Variants in ALKBH5 observed in about 807,000 individuals in gnomAD.
The protein encoded by ALKBH5 is alkB homolog 5, RNA demethylase.
Under a neutral mutation model 32.1 loss-of-function variants are expected in ALKBH5, and 2 were observed. The observed-to-expected ratio is 0.06, with a 90% CI of 0.03 to 0.20. The LOEUF is 0.20. Among genes scored for constraint, ALKBH5 ranks in the 10% least tolerant of loss-of-function variants. The pLI is 1.00. For synonymous variants in ALKBH5, 300 were observed against 231.7 expected (o/e 1.29, Z -2.68); for missense variants, 352 against 559.5 (o/e 0.63, Z 3.74).
Position 18,184,163 on chromosome 17 carries a change from G to A in ALKBH5, c.-81G>A. On this transcript the variant is annotated 5_prime_UTR_variant, in exon 1 of 4. Coordinates refer to ENST00000399138, the MANE Select transcript of ALKBH5 (RefSeq NM_017758.4). ...CGCTAAGGACCCCCCTCCCTCCGGG[G>A]GCCCCGGGGCGCGTCCCCTTAGAGC... 1 of 1,281,224 alleles carries A rather than the reference G, an allele frequency of 7.8e-7. No homozygotes were observed. 79.4% of individuals were successfully genotyped at this position (1,281,224 alleles called of 1,614,324 possible). A position where few individuals can be genotyped will look rare whatever the true frequency, so the allele number is the denominator to read the frequency against.
At chr17:18,204,311 C>T (rs2047257563) in intron 2 of ALKBH5, among the ~76,000 whole-genome samples, 3 of 152,064 alleles carry the variant, frequency 2.0e-5, no homozygotes, top group Non-Finnish European at 1.5e-5. Context: ...AGTAGCCAGG[C>T]GTTGGGGTGC....
intron 2 of ALKBH5, among the ~76,000 whole-genome samples, chr17:18,203,836 A>G (rs1264147951): frequency 6.6e-6 from 1 of 152,160 alleles, no homozygotes; most frequent in Non-Finnish European, 1.5e-5. Context: ...AGATGTACTT[A>G]TAACAGTCCC....
intron 1 of ALKBH5, among the ~76,000 whole-genome samples, chr17:18,192,115 G>A (rs1355574090): frequency 6.6e-5 from 10 of 152,322 alleles, no homozygotes; most frequent in Admixed American, 3.9e-4. Context: ...GGCCCAGGCG[G>A]CCCCCACTAC....
chr17:18,189,589 C>T (rs1408114767), intron 1 of ALKBH5, among the ~76,000 whole-genome samples: 1 of 152,198 alleles, frequency 6.6e-6, no homozygotes, highest in African/African-American at 2.4e-5. Flanking sequence ...ATGGGCTTTT[C>T]TTCCTACCGC....
chr17:18,188,698 AAAAG>A (rs1339033258), intron 1 of ALKBH5, among the ~76,000 whole-genome samples: 2 of 152,200 alleles, frequency 1.3e-5, no homozygotes. Flanking sequence ...AGAGGGCAGT[AAAAG>A]AAAGGAAGCT....
At chr17:18,200,259 G>C (rs2142483614) in intron 2 of ALKBH5, among the ~76,000 whole-genome samples, 1 of 152,134 alleles carries the variant, frequency 6.6e-6, no homozygotes, top group East Asian at 1.9e-4. Flanking sequence ...GGGGACTTCT[G>C]TAGATGAGGA....
chr17:18,186,284 G>A (rs931341554), intron 1 of ALKBH5, among the ~76,000 whole-genome samples: 2 of 152,164 alleles, frequency 1.3e-5, no homozygotes, highest in African/African-American at 4.8e-5. Flanking sequence ...ATGGGCTTCT[G>A]AGCTTCTCAG....
At chr17:18,190,231 G>T (rs932997898) in intron 1 of ALKBH5, among the ~76,000 whole-genome samples, 1 of 152,196 alleles carries the variant, frequency 6.6e-6, no homozygotes, top group African/African-American at 2.4e-5. Context: ...GAGGAGAGAT[G>T]TACAGTCCTG....
At position 18,188,979 on chromosome 17, in the gene ALKBH5, A is replaced by T. The variant is rs1347416252; in HGVS notation, c.770+3966A>T. On this transcript the variant is annotated intron_variant, in intron 1 of 3. Transcript: ENST00000399138. ...CTACTCAGGAGGCTGAGGCAGGAGA[A>T]TCACTTGAACCCGGGAGGCGGAGGT... is the stretch of plus-strand genomic sequence containing the variant. 2.0e-5 allele frequency among the ~76,000 whole-genome samples: 3 copies of T among 152,206 alleles called. No homozygotes were observed. In the East Asian group the frequency reaches 5.8e-4, roughly 29 times the overall value.
At chr17:18,201,640 C>T (rs1168958321) in intron 2 of ALKBH5, among the ~76,000 whole-genome samples, 1 of 152,072 alleles carries the variant, frequency 6.6e-6, no homozygotes, top group African/African-American at 2.4e-5. Context: ...CATCTGTAGT[C>T]CCAGCTACTT....
At chr17:18,201,858 T>A (rs572866761) in intron 2 of ALKBH5, among the ~76,000 whole-genome samples, 3 of 146,786 alleles carry the variant, frequency 2.0e-5, no homozygotes, top group Admixed American at 6.8e-5. Flanking sequence ...ATTGATTGAT[T>A]GATTTAAAAA....
chr17:18,193,984 G>C (rs1025231747), intron 1 of ALKBH5, among the ~76,000 whole-genome samples: 2 of 152,154 alleles, frequency 1.3e-5, no homozygotes, highest in African/African-American at 4.8e-5. Flanking sequence ...GAGGGGTATA[G>C]GAAGCTCAGA....
Position 18,184,179 on chromosome 17 carries a change from C to T in ALKBH5, c.-65C>T. 5.8e-6 allele frequency: 8 copies of T among 1,367,536 alleles called. No individual in the cohort carries two copies. Among genetic ancestry groups the T allele is most frequent in the Non-Finnish European group, 7.7e-6 (8 of 1,032,892 alleles). 84.7% of individuals were successfully genotyped at this position (1,367,536 alleles called of 1,614,324 possible). A position where few individuals can be genotyped will look rare whatever the true frequency, so the allele number is the denominator to read the frequency against. ...CCCTCCGGGGGCCCCGGGGCGCGTC[C>T]CCTTAGAGCCATGCCCGGCTGCCCC... On this transcript the variant is annotated 5_prime_UTR_variant, in exon 1 of 4. Transcript: ENST00000399138.
intron 2 of ALKBH5, among the ~76,000 whole-genome samples, chr17:18,199,454 A>G (rs1449273588): frequency 6.6e-6 from 1 of 152,228 alleles, no homozygotes; most frequent in Non-Finnish European, 1.5e-5. Context: ...CTCCTGCACT[A>G]GTGCACTCTG....
intron 1 of ALKBH5, among the ~76,000 whole-genome samples, chr17:18,194,746 C>T (rs1342184916): frequency 1.3e-5 from 2 of 152,146 alleles, no homozygotes; most frequent in Non-Finnish European, 2.9e-5. Flanking sequence ...TTGTGTCATA[C>T]CAGGTTTTTC....
Position 18,196,670 on chromosome 17 carries a change from T to C in ALKBH5, c.851+1635T>C, listed in dbSNP as rs1387994724. Among the ~76,000 whole-genome samples the C allele has an allele frequency of 7.2e-5, 11 of 152,226 alleles. No homozygotes were observed. The East Asian group carries it at 2.1e-3, about 29-fold the overall frequency. Reference sequence around the variant, plus strand: ...TCAATGTAACTTAACACTATTGATATTGATCATCTGGCCAATGCACTGTCA... The same window carrying C: ...TCAATGTAACTTAACACTATTGATACTGATCATCTGGCCAATGCACTGTCA... On this transcript the variant is annotated intron_variant, in intron 2 of 3. Coordinates refer to ENST00000399138, the MANE Select transcript of ALKBH5 (RefSeq NM_017758.4).
In ALKBH5 at chr17:18,184,219, A is replaced by AC; in HGVS notation, c.-22dup. 1 of 1,475,182 alleles carries AC rather than the reference A, an allele frequency of 6.8e-7. No homozygotes were observed. The highest frequency in any genetic ancestry group is 1.3e-5 in the South Asian group (1 of 75,980). The allele number at this position is 1,475,182 out of a possible 1,614,324, so 91.4% of individuals were successfully genotyped here. Reference sequence around the variant, plus strand: ...CCGGCTGCCCCGCCCGCCCCGGAGGACCCTAGAGCAGCGTCGTGGGGGCCA... The same window carrying AC: ...CCGGCTGCCCCGCCCGCCCCGGAGGACCCCTAGAGCAGCGTCGTGGGGGCCA... On this transcript the variant is annotated 5_prime_UTR_variant, in exon 1 of 4. It removes the in-frame stop codon of an upstream open reading frame in the 5' UTR. Coordinates refer to ENST00000399138, the MANE Select transcript of ALKBH5 (RefSeq NM_017758.4).
rs1171454970 is a variant in ALKBH5, at chr17:18,183,859, C to T, written c.-385C>T. The T allele has an allele frequency of 3.2e-5, 11 of 343,794 alleles. No individual in the cohort carries two copies. The highest frequency in any genetic ancestry group is 6.1e-5 in the Non-Finnish European group (11 of 180,908). The allele number at this position is 343,794 out of a possible 1,614,324, so 21.3% of individuals were successfully genotyped here. On this transcript the variant is annotated 5_prime_UTR_variant, in exon 1 of 4. In the 5' UTR this introduces an upstream ATG that the reference lacks. Transcript: ENST00000399138. Reference sequence around the variant, plus strand: ...CCCGCTAAGGAGCGGCGCTGGCGGACGTCGGGCTGGCTGCCCGTGACGTCG... The same window carrying T: ...CCCGCTAAGGAGCGGCGCTGGCGGATGTCGGGCTGGCTGCCCGTGACGTCG...
chr17:18,196,655 T>G (rs2047206336), intron 2 of ALKBH5, among the ~76,000 whole-genome samples: 1 of 152,240 alleles, frequency 6.6e-6, no homozygotes, highest in Non-Finnish European at 1.5e-5. Flanking sequence ...TCAATGTAAC[T>G]TAACACTATT....
Sources: allele counts gnomAD v4.1 joint callset (sites outside exome capture counted in the v4.1 genomes callset), GRCh38; gene constraint gnomAD v4.1.1; transcripts MANE v1.5; gene names NCBI Gene and HGNC (gene_info 2026-07-23, HGNC 2026-07-21).